The following ZFYVE9 variants were observed in gnomAD, a reference collection of about 807,000 sequenced individuals.
The protein encoded by ZFYVE9 is zinc finger FYVE domain-containing protein 9.
In ZFYVE9, 43 loss-of-function variants were observed where a neutral mutation model predicts 126.7. That is an observed-to-expected ratio of 0.34 (90% CI 0.27 to 0.44). The LOEUF is 0.44. Among genes scored for constraint, ZFYVE9 ranks in the 20% least tolerant of loss-of-function variants. The pLI is 1.00. For missense variants in ZFYVE9, 1,476 were observed against 1,697.0 expected, an observed-to-expected ratio of 0.87 and a Z score of 2.29; for synonymous variants, 521 against 597.4, an observed-to-expected ratio of 0.87 and a Z score of 1.87.
At chr1:52,330,845 C>A (rs1261185881) in intron 13 of ZFYVE9, among the ~76,000 whole-genome samples, 2 of 152,130 alleles carry the variant, frequency 1.3e-5, no homozygotes, top group Admixed American at 1.3e-4. Flanking sequence ...AGTCAAACAA[C>A]TCTGACAGCA....
intron 13 of ZFYVE9, among the ~76,000 whole-genome samples, chr1:52,332,498 A>AG (rs1404824437): frequency 3.0e-4 from 1 of 3,348 alleles, no homozygotes; most frequent in African/African-American, 3.2e-4. Context: ...ACTTGAGTTC[A>AG]ATCAGCAATA....
intron 4 of ZFYVE9, among the ~76,000 whole-genome samples, chr1:52,254,832 G>T (rs1330530723): frequency 6.6e-6 from 1 of 152,040 alleles, no homozygotes; most frequent in African/African-American, 2.4e-5. Flanking sequence ...GGGATGTGGT[G>T]GTACATGCCT....
At chr1:52,199,853 T>C (rs1644907104) in intron 1 of ZFYVE9, among the ~76,000 whole-genome samples, 1 of 152,214 alleles carries the variant, frequency 6.6e-6, no homozygotes, top group Non-Finnish European at 1.5e-5. Context: ...GTGGTGTCAG[T>C]GTTTCTGATT....
chr1:52,263,319 A>G (rs950141208), intron 4 of ZFYVE9, among the ~76,000 whole-genome samples: 1 of 152,210 alleles, frequency 6.6e-6, no homozygotes, highest in African/African-American at 2.4e-5. Flanking sequence ...AACAGCTGGT[A>G]TAGTTATTAT....
At chr1:52,230,049 T>C (rs1221027522) in intron 2 of ZFYVE9, among the ~76,000 whole-genome samples, 5 of 152,100 alleles carry the variant, frequency 3.3e-5, no homozygotes, top group African/African-American at 7.2e-5. Flanking sequence ...TTTGTATTTT[T>C]AGTAGAGACG....
Position 52,239,105 on chromosome 1 carries a change from C to G in ZFYVE9, c.1688C>G (p.Pro563Arg). The change falls in exon 4 of 19, where the codon CCC (proline) becomes CGC (arginine). Residue 563 changes from proline to arginine, a missense_variant. Around this residue, in one of 2 missense-constraint regions of ZFYVE9, gnomAD observed 807 missense variants for 794.6 expected, o/e 1.02. Transcript: ENST00000287727. ...CCATCAGTGCTTGGGCAATCTTCCC[C>G]CAAGGTAGTAGCAAGCCTGCCATCT... is the stretch of plus-strand genomic sequence containing the variant. ...QVPSVLGQSSPKVVASLPSIS... is the reference protein window; with the variant it reads ...QVPSVLGQSSRKVVASLPSIS... 2.5e-6 allele frequency: 4 copies of G among 1,614,020 alleles called. No homozygotes were observed. Among genetic ancestry groups the G allele is most frequent in the South Asian group, 1.1e-5 (1 of 91,082 alleles).
intron 11 of ZFYVE9, among the ~76,000 whole-genome samples, chr1:52,294,880 A>G (rs746915967): frequency 6.6e-6 from 1 of 152,212 alleles, no homozygotes; most frequent in Non-Finnish European, 1.5e-5. Context: ...TGCCTCTCCT[A>G]AGGAGGATCC....
At chr1:52,253,853 A>G (rs936585593) in intron 4 of ZFYVE9, 3 of 1,334,924 alleles carry the variant, frequency 2.2e-6, no homozygotes, top group South Asian at 1.2e-5. Flanking sequence ...AAGACATTAT[A>G]TATTTATGCA....
chr1:52,318,469 A>G (rs1310272695), intron 13 of ZFYVE9, among the ~76,000 whole-genome samples: 1 of 151,652 alleles, frequency 6.6e-6, no homozygotes, highest in Non-Finnish European at 1.5e-5. Context: ...TCTATGAAAA[A>G]TCTATAACAT....
chr1:52,234,744 C>CT (rs1205194741), intron 3 of ZFYVE9, among the ~76,000 whole-genome samples: 2 of 152,146 alleles, frequency 1.3e-5, no homozygotes, highest in African/African-American at 4.8e-5. Context: ...AATGTGAAAT[C>CT]TAATCATTGG....
At chr1:52,298,092 T>G (rs12756732) in intron 12 of ZFYVE9, among the ~76,000 whole-genome samples, 197 of 152,360 alleles carry the variant, frequency 1.3e-3, no homozygotes, top group Admixed American at 2.7e-3. Context: ...TTTCCATTTC[T>G]GTAGGTTGTG....
intron 8 of ZFYVE9, among the ~76,000 whole-genome samples, chr1:52,278,215 G>A (rs1188932147): frequency 6.7e-6 from 1 of 150,198 alleles, no homozygotes; most frequent in Non-Finnish European, 1.5e-5. Flanking sequence ...TAAATAGAAA[G>A]GTAGTCTTTA....
chr1:52,276,382 T>C (rs1374473322), intron 8 of ZFYVE9, among the ~76,000 whole-genome samples: 1 of 152,228 alleles, frequency 6.6e-6, no homozygotes. Context: ...TGGGAAAGAA[T>C]GGACTTCAGA....
chr1:52,266,405 T>TTAAAAAAAAAAA (rs1181730554), intron 5 of ZFYVE9, among the ~76,000 whole-genome samples: 7 of 85,640 alleles, frequency 8.2e-5, no homozygotes, highest in African/African-American at 2.9e-4. Flanking sequence ...TCTAATTCTT[T>TTAAAAAAAAAAA]AAAAAAAAAA....
chr1:52,286,496 CATT>C (rs1306719334), intron 10 of ZFYVE9, among the ~76,000 whole-genome samples: 3 of 152,134 alleles, frequency 2.0e-5, no homozygotes, highest in East Asian at 1.9e-4. Context: ...TGGAGGGAAA[CATT>C]ATAATTTGTG....
chr1:52,150,421 AATAGATAG>A (rs566288758), intron 1 of ZFYVE9: 3 of 151,786 alleles, frequency 2.0e-5, no homozygotes, highest in Non-Finnish European at 4.4e-5. Context: ...CTAATCTCTA[AATAGATAG>A]ATAGATAGAT....
intron 12 of ZFYVE9, among the ~76,000 whole-genome samples, chr1:52,301,420 G>A (rs1646034269): frequency 6.8e-6 from 1 of 147,634 alleles, no homozygotes; most frequent in Non-Finnish European, 1.5e-5. Context: ...CCCCGACCTT[G>A]GCCTACCAAG....
chr1:52,242,813 A>C lies in ZFYVE9; in HGVS notation c.2178+3218A>C, dbSNP rs992585803. ...TGCATGAAAATCTGTCTTGCCTTGT[A>C]ATTGATATTGTGATTTTAGCCATCT... On this transcript the variant is annotated intron_variant, in intron 4 of 18. Transcript: ENST00000287727. 3.2e-4 allele frequency among the ~76,000 whole-genome samples: 48 copies of C among 152,168 alleles called. 2 individuals are homozygous for C. The highest frequency in any genetic ancestry group is 1.7e-3 in the Admixed American group (26 of 15,272).
intron 1 of ZFYVE9, among the ~76,000 whole-genome samples, chr1:52,175,230 T>C (rs1190743337): frequency 6.6e-6 from 1 of 151,022 alleles, no homozygotes; most frequent in African/African-American, 2.4e-5. Flanking sequence ...CATTTGCTTG[T>C]CTGTAAAGTA....
Sources: gnomAD v4.1 joint callset for allele counts (sites outside exome capture counted in the v4.1 genomes callset) on GRCh38, gnomAD v4.1.1 for gene constraint, gnomAD v4.1.1 regional missense constraint, MANE v1.5 for transcripts, NCBI Gene and HGNC (gene_info 2026-07-23, HGNC 2026-07-21) for gene names.